The following SEPTIN5 variants were observed in gnomAD, a reference collection of about 807,000 sequenced individuals.
The protein encoded by SEPTIN5 is septin 5, also known as septin-5.
SEPTIN5 carries 16 observed loss-of-function variants against 51.2 expected under a neutral mutation model. The ratio of observed to expected loss-of-function variants is 0.31; its 90% CI spans 0.21 to 0.47. The LOEUF (loss-of-function observed/expected upper bound fraction) is 0.47, where lower values mean the gene tolerates loss of function less well. Ranked by LOEUF, SEPTIN5 falls within the 20% of genes least tolerant of loss-of-function variation. The pLI, the probability that SEPTIN5 is intolerant of heterozygous loss-of-function variation, is 0.99. For missense variants in SEPTIN5, 376 were observed against 500.3 expected (o/e 0.75, Z 2.37); for synonymous variants, 208 against 191.2 (o/e 1.09, Z -0.72).
chr22:19,721,398 G>A (rs1936029041), intron 8 of SEPTIN5, among the ~76,000 whole-genome samples: 2 of 152,160 alleles, frequency 1.3e-5, no homozygotes, highest in African/African-American at 4.8e-5. Context: ...GATGAGGGAG[G>A]AGATGAGGAG....
At chr22:19,717,253 C>T (rs1209667405) in intron 2 of SEPTIN5, 1 of 468,976 alleles carries the variant, frequency 2.1e-6, no homozygotes. Flanking sequence ...CTGACCAGTC[C>T]TACCCTGGAA....
chr22:19,714,983 C>A lies in SEPTIN5; in HGVS notation c.54+192C>A, dbSNP rs988906493. Among the ~76,000 whole-genome samples, 84 of 152,278 alleles carry A rather than the reference C, an allele frequency of 5.5e-4. No individual in the cohort carries two copies. The highest frequency in any genetic ancestry group is 9.8e-4 in the Admixed American group (15 of 15,312). ...AGAGGAGAGGAGTGGGGGCCCTGGT[C>A]CCCGGACCCGCACAGCAGGGACCCT... On this transcript the variant is annotated intron_variant, in intron 2 of 11. Transcript: ENST00000455784. The surrounding 1 kb of genome is among the most constrained non-coding windows in gnomAD (Gnocchi z 5.2).
chr22:19,718,538 G>T, intron 2 of SEPTIN5: 1 of 1,282,286 alleles, frequency 7.8e-7, no homozygotes, highest in Non-Finnish European at 9.9e-7. Context: ...CAGGGGGATG[G>T]CTCGGTCGGC....
intron 2 of SEPTIN5, among the ~76,000 whole-genome samples, chr22:19,716,824 G>A (rs1935918017): frequency 6.6e-6 from 1 of 152,184 alleles, no homozygotes. Context: ...CTGTCTTCCT[G>A]GAGATGCCCT....
intron 10 of SEPTIN5, 41 bp from the exon 11 acceptor site, chr22:19,722,196 G>T (rs1161499869): frequency 7.1e-7 from 1 of 1,408,006 alleles, no homozygotes; most frequent in Admixed American, 2.2e-5. Flanking sequence ...TGAGCCTCCC[G>T]GTGGCGCCGC....
In SEPTIN5 at chr22:19,720,610, C is replaced by A. The variant is rs1345148833; in HGVS notation, c.559C>A (p.Leu187Ile). Residue 187 changes from leucine (L) to isoleucine (I), a missense_variant, in exon 7 of 12, where the codon CTC (leucine) becomes ATC (isoleucine). Transcript: ENST00000455784. Reference sequence around the variant, plus strand: ...GCATGAGAAGGTCAACATCGTGCCTCTCATCGCCAAAGCTGACTGTCTTGT... The same window carrying A: ...GCATGAGAAGGTCAACATCGTGCCTATCATCGCCAAAGCTGACTGTCTTGT... ...ALHEKVNIVP[L>I]IAKADCLVPS... is the part of the protein sequence containing the mutation. 3.7e-6 allele frequency: 6 copies of A among 1,612,916 alleles called. No homozygotes were observed. In the African/African-American group the frequency reaches 8.0e-5, roughly 22 times the overall value.
At chr22:19,717,823 C>T in intron 2 of SEPTIN5, 1 of 201,696 alleles carries the variant, frequency 5.0e-6, no homozygotes, top group Non-Finnish European at 1.0e-5. Context: ...CACACACGTA[C>T]ACACACACGC....
At chr22:19,722,385 C>G (rs925188959) in intron 11 of SEPTIN5, 43 bp from the exon 12 acceptor site, 1 of 1,593,764 alleles carries the variant, frequency 6.3e-7, no homozygotes, top group South Asian at 1.1e-5. Flanking sequence ...CAGGGATGCT[C>G]CTCCGCGGTG....
chr22:19,719,707 G>A lies in SEPTIN5; in HGVS notation c.151+9G>A, dbSNP rs1227857445. On this transcript the variant is annotated intron_variant, in intron 3 of 11. Transcript: ENST00000455784. ...CACACTCATGGTGGCTGGTGAGTGG[G>A]CCAGGCTCCTCGGGGGAGTGGCTGG... 1 of 1,612,582 alleles carries A rather than the reference G, an allele frequency of 6.2e-7. No individual in the cohort carries two copies. Among genetic ancestry groups the A allele is most frequent in the African/African-American group, 1.3e-5 (1 of 74,948 alleles).
chr22:19,717,870 T>TACACAC lies in SEPTIN5; in HGVS notation c.55-1724_55-1719dup, dbSNP rs138910997. The TACACAC allele has an allele frequency of 5.3e-4, 91 of 173,246 alleles. 1 individual carries two copies. The highest frequency in any genetic ancestry group is 1.0e-3 in the Non-Finnish European group (82 of 79,920). 10.7% of individuals were successfully genotyped at this position (173,246 alleles called of 1,614,324 possible). A position where few individuals can be genotyped will look rare whatever the true frequency, so the allele number is the denominator to read the frequency against. On this transcript the variant is annotated intron_variant, in intron 2 of 11. Transcript: ENST00000455784. ...TATACACGCGCACACACGCAGGCATTACACACACACACATTACACACACAC... is the reference window on the plus strand; with the variant it reads ...TATACACGCGCACACACGCAGGCATTACACACACACACACACACATTACACACACAC...
chr22:19,717,417 A>AGTC (rs1441324004), intron 2 of SEPTIN5: 1 of 462,448 alleles, frequency 2.2e-6, no homozygotes, highest in East Asian at 7.0e-5. Flanking sequence ...AGGAGCTCCC[A>AGTC]GTCCCTCCAA....
Position 19,722,896 on chromosome 22 carries a change from G to A in SEPTIN5, c.*412G>A. 4.5e-6 allele frequency: 2 copies of A among 447,284 alleles called. No individual in the cohort carries two copies. The highest frequency in any genetic ancestry group is 4.2e-5 in the South Asian group (2 of 47,060). 27.7% of individuals were successfully genotyped at this position (447,284 alleles called of 1,614,324 possible). On this transcript the variant is annotated 3_prime_UTR_variant, in exon 12 of 12. Transcript: ENST00000455784. ...GGAGCCCTCCTTTGCCTGCTCCCGC[G>A]GGTCACCCAGCGAGTGCTGAGACCC... is the stretch of plus-strand genomic sequence containing the variant.
chr22:19,719,996 G>T, intron 4 of SEPTIN5, 104 bp downstream of exon 4: 2 of 1,599,802 alleles, frequency 1.3e-6, no homozygotes, highest in Admixed American at 1.7e-5. Flanking sequence ...CTGTTCTCGC[G>T]GTGTGGGTCC....
Position 19,714,919 on chromosome 22 carries a change from C to T in SEPTIN5, c.54+128C>T. The T allele has an allele frequency of 8.0e-7, 1 of 1,248,354 alleles. No individual in the cohort carries two copies. The highest frequency in any genetic ancestry group is 1.1e-6 in the Non-Finnish European group (1 of 924,384). 77.3% of individuals were successfully genotyped at this position (1,248,354 alleles called of 1,614,324 possible). ...CCTCACCCAGCCCTGTCGCGATCAC[C>T]GATTGTCAGCCGGGCAGTGCCGCCG... On this transcript the variant is annotated intron_variant, in intron 2 of 11. Transcript: ENST00000455784. The surrounding 1 kb of genome is among the most constrained non-coding windows in gnomAD (Gnocchi z 5.2).
At position 19,722,573 on chromosome 22, in the gene SEPTIN5, C is replaced by CTGTGG; in HGVS notation, c.*89_*90insTGTGG. On this transcript the variant is annotated 3_prime_UTR_variant, in exon 12 of 12. Transcript: ENST00000455784. ...CTGTTCCCGACCCGGAGACGCGGGG[C>CTGTGG]CACAGCCCCCAGCTGACCCTAATTT... 1 of 1,349,956 alleles carries CTGTGG rather than the reference C, an allele frequency of 7.4e-7. No homozygotes were observed. The highest frequency in any genetic ancestry group is 1.0e-6 in the Non-Finnish European group (1 of 971,504). 83.6% of individuals were successfully genotyped at this position (1,349,956 alleles called of 1,614,324 possible). A position where few individuals can be genotyped will look rare whatever the true frequency, so the allele number is the denominator to read the frequency against.
At position 19,721,932 on chromosome 22, in the gene SEPTIN5, G is replaced by C; in HGVS notation, c.925G>C (p.Ala309Pro). ...CGACGTGCACTACGAGAACTACCGCGCGCACTGCATCCAGCAGATGACCAG... is the reference window on the plus strand; with the variant it reads ...CGACGTGCACTACGAGAACTACCGCCCGCACTGCATCCAGCAGATGACCAG... ...TCDVHYENYR[A>P]HCIQQMTSKL... Residue 309 changes from alanine (A) to proline (P), a missense_variant, in exon 10 of 12, where the codon GCG (alanine) becomes CCG (proline). Ala to Pro is a conservative substitution (Grantham distance 27). Coordinates refer to ENST00000455784, the MANE Select transcript of SEPTIN5 (RefSeq NM_002688.6). 1 of 1,610,856 alleles carries C rather than the reference G, an allele frequency of 6.2e-7. No homozygotes were observed. Among genetic ancestry groups the C allele is most frequent in the Non-Finnish European group, 8.5e-7 (1 of 1,178,912 alleles).
Position 19,720,538 on chromosome 22 carries a change from G to C in SEPTIN5, c.498-11G>C. Reference sequence around the variant, plus strand: ...GCTGTGCCTATGCCCACCCTTGGCTGCTCTCGGCAGGCTGCGGCCAGTGGA... The same window carrying C: ...GCTGTGCCTATGCCCACCCTTGGCTCCTCTCGGCAGGCTGCGGCCAGTGGA... On this transcript the variant is annotated splice_polypyrimidine_tract_variant and intron_variant, in intron 6 of 11. Coordinates refer to ENST00000455784, the MANE Select transcript of SEPTIN5 (RefSeq NM_002688.6). The C allele has an allele frequency of 6.2e-7, 1 of 1,613,276 alleles. No individual in the cohort carries two copies. The highest frequency in any genetic ancestry group is 1.1e-5 in the South Asian group (1 of 91,088).
intron 7 of SEPTIN5, 36 bp from the exon 8 acceptor site, chr22:19,720,732 C>G (rs765708629): frequency 8.1e-6 from 13 of 1,612,194 alleles, no homozygotes; most frequent in Non-Finnish European, 1.0e-5. Context: ...GGGGACTTGT[C>G]TGGCCTCAAA....
intron 8 of SEPTIN5, 65 bp from the exon 9 acceptor site, chr22:19,721,575 G>A (rs1936032993): frequency 3.8e-6 from 6 of 1,571,248 alleles, no homozygotes; most frequent in African/African-American, 1.3e-5. Flanking sequence ...TTACATGCCC[G>A]TTTCCCATCA....
Sources: allele counts gnomAD v4.1 joint callset (sites outside exome capture counted in the v4.1 genomes callset), GRCh38; gene constraint gnomAD v4.1.1; non-coding constraint Gnocchi (gnomAD v3.1); transcripts MANE v1.5; gene names NCBI Gene and HGNC (gene_info 2026-07-23, HGNC 2026-07-21).